Variants in E2F3 observed in about 807,000 individuals in gnomAD.
E2F3 encodes transcription factor E2F3.
Under a neutral mutation model 44.4 loss-of-function variants are expected in E2F3, and 11 were observed. That is an observed-to-expected ratio of 0.25 (90% CI 0.16 to 0.41). E2F3 has a LOEUF of 0.41. E2F3 is among the 10% of genes least tolerant of loss of function. The probability of loss-of-function intolerance (pLI) is 1.00; values close to 1 mark genes in which losing one functional copy is unlikely to be tolerated. For synonymous variants in E2F3, 249 were observed against 253.0 expected (o/e 0.98, Z 0.15); for missense variants, 487 against 583.6 (o/e 0.83, Z 1.70).
At chr6:20,461,046 A>T (rs1414848691) in intron 1 of E2F3, among the ~76,000 whole-genome samples, 4 of 150,548 alleles carry the variant, frequency 2.7e-5, no homozygotes, top group African/African-American at 4.9e-5. Flanking sequence ...TTTAAATATT[A>T]ACACTGCCAG....
Position 20,402,503 on chromosome 6 carries a change from G to T in E2F3, c.271G>T (p.Ala91Ser). 1 of 1,604,784 alleles carries T rather than the reference G, an allele frequency of 6.2e-7. No homozygotes were observed. The highest frequency in any genetic ancestry group is 8.5e-7 in the Non-Finnish European group (1 of 1,178,880). Reference sequence around the variant, plus strand: ...CCCCCTCCTCCCCAGTGCCCCCGGCGCGGAGCAGACCGCCGGCAGCCTCCT... The same window carrying T: ...CCCCCTCCTCCCCAGTGCCCCCGGCTCGGAGCAGACCGCCGGCAGCCTCCT... Reference protein sequence around the residue: ...AGPLLPSAPGAEQTAGSLLYT... With the variant: ...AGPLLPSAPGSEQTAGSLLYT... The change falls in exon 1 of 7, where the codon GCG becomes TCG. Residue 91 changes from alanine (A) to serine (S), a missense_variant. By Grantham distance (99) the Ala-to-Ser change is moderately conservative. Transcript: ENST00000346618. This position sits in a 1 kb window ranked among gnomAD's most constrained non-coding sequence, Gnocchi z 5.6.
intron 1 of E2F3, among the ~76,000 whole-genome samples, chr6:20,430,573 A>C (rs764109979): frequency 1.3e-5 from 2 of 152,228 alleles, no homozygotes; most frequent in Non-Finnish European, 2.9e-5. Context: ...TGACATTCAG[A>C]AGTACCATAT....
chr6:20,471,404 G>C (rs1421709761), intron 1 of E2F3, among the ~76,000 whole-genome samples: 1 of 152,106 alleles, frequency 6.6e-6, no homozygotes, highest in East Asian at 1.9e-4. Flanking sequence ...CCAACATGGT[G>C]AAACCTTGTG....
chr6:20,471,439 G>A (rs1368951704), intron 1 of E2F3, among the ~76,000 whole-genome samples: 7 of 152,050 alleles, frequency 4.6e-5, no homozygotes, highest in Non-Finnish European at 8.8e-5. Context: ...AAAATTAGCC[G>A]GGTGTGGTGG....
chr6:20,403,687 CCTCCCTCTCCTCTCCCCA>C, intron 1 of E2F3: 1 of 575,400 alleles, frequency 1.7e-6, no homozygotes, highest in Non-Finnish European at 2.9e-6. Context: ...GCACCGCCAC[CCTCCCTCTCCTCTCCCCA>C]CCCCCCCACC....
intron 1 of E2F3, among the ~76,000 whole-genome samples, chr6:20,434,204 T>C (rs1760499660): frequency 6.6e-6 from 1 of 152,168 alleles, no homozygotes; most frequent in Non-Finnish European, 1.5e-5. Flanking sequence ...TAAATTCACT[T>C]GTGGCAAGAA....
rs893156456 is a variant in E2F3, at chr6:20,402,257, C to T, written c.25C>T (p.Leu9=). 1.1e-5 allele frequency: 18 copies of T among 1,603,134 alleles called. No individual in the cohort carries two copies. Among genetic ancestry groups the T allele is most frequent in the Non-Finnish European group, 1.5e-5 (18 of 1,177,300 alleles). The change falls in exon 1 of 7, where the codon CTG becomes TTG. Residue 9 remains leucine, a synonymous_variant. Transcript: ENST00000346618. This position sits in a 1 kb window ranked among gnomAD's most constrained non-coding sequence, Gnocchi z 5.6. ...GATGAGAAAGGGAATCCAGCCCGCT[C>T]TGGAGCAGTACCTGGTGACCGCCGG... MRKGIQPA[L]EQYLVTAGGG...
intron 1 of E2F3, among the ~76,000 whole-genome samples, chr6:20,472,068 A>ACACACACACACACT (rs1320530650): frequency 9.5e-5 from 14 of 147,624 alleles, no homozygotes; most frequent in African/African-American, 3.0e-4. Flanking sequence ...ACACACACAC[A>ACACACACACACACT]CTCACATCTA....
At chr6:20,442,485 C>T (rs565687364) in intron 1 of E2F3, among the ~76,000 whole-genome samples, 88 of 152,280 alleles carry the variant, frequency 5.8e-4, no homozygotes, top group African/African-American at 1.8e-3. Flanking sequence ...CCACAACATG[C>T]GGTGTTTCGT....
rs1762539759 is a variant in E2F3, at chr6:20,491,015, C to G, written c.*585C>G. The G allele has an allele frequency of 8.7e-6, 2 of 228,880 alleles. No individual in the cohort carries two copies. The highest frequency in any genetic ancestry group is 1.2e-4 in the East Asian group (2 of 16,088). The allele number at this position is 228,880 out of a possible 1,614,324, so 14.2% of individuals were successfully genotyped here. A position where few individuals can be genotyped will look rare whatever the true frequency, so the allele number is the denominator to read the frequency against. On this transcript the variant is annotated 3_prime_UTR_variant, in exon 7 of 7. Transcript: ENST00000346618. ...AGTTTAAGCTATGAACTGTGTGTCC[C>G]AGTAGGAGGTCAAGAAAACCTCCAC...
rs1348663252 is a variant in E2F3 at position 20,402,772 on chromosome 6, T to C, written c.393+147T>C. ...GGGCTGCCCCTCCAACGAGGGTTCA[T>C]TGTTAGACCTGAGTGCTCTTCCCGG... is the stretch of plus-strand genomic sequence containing the variant. On this transcript the variant is annotated intron_variant, in intron 1 of 6. Coordinates refer to ENST00000346618, the MANE Select transcript of E2F3 (RefSeq NM_001949.5). The surrounding 1 kb of genome is among the most constrained non-coding windows in gnomAD (Gnocchi z 5.6). The C allele has an allele frequency of 1.0e-5, 13 of 1,238,964 alleles. No homozygotes were observed. The highest frequency in any genetic ancestry group is 1.1e-5 in the Non-Finnish European group (11 of 991,432). 76.7% of individuals were successfully genotyped at this position (1,238,964 alleles called of 1,614,324 possible).
At chr6:20,484,541 A>C (rs1762328622) in intron 4 of E2F3, among the ~76,000 whole-genome samples, 1 of 152,188 alleles carries the variant, frequency 6.6e-6, no homozygotes, top group Non-Finnish European at 1.5e-5. Flanking sequence ...CAGTGTTCTC[A>C]GTAAAAAATC....
At chr6:20,471,517 G>A (rs1197152752) in intron 1 of E2F3, among the ~76,000 whole-genome samples, 1 of 152,134 alleles carries the variant, frequency 6.6e-6, no homozygotes, top group Admixed American at 6.5e-5. Flanking sequence ...GGAGGCAGAG[G>A]TTGCAGTGAG....
chr6:20,429,916 G>C (rs1055207330), intron 1 of E2F3, among the ~76,000 whole-genome samples: 9 of 151,792 alleles, frequency 5.9e-5, no homozygotes, highest in African/African-American at 2.2e-4. Flanking sequence ...TAAATAAAAT[G>C]CCCTATTTTT....
intron 3 of E2F3, 142 bp from the exon 4 acceptor site, chr6:20,482,620 A>ATG (rs59712782): frequency 0.071 from 20,902 of 292,780 alleles, 1,551 homozygotes; most frequent in Middle Eastern, 0.1. Flanking sequence ...ATATATATAT[A>ATG]TGTGTAAATG....
rs760435662 is a variant in E2F3, at chr6:20,402,297, C to T, written c.65C>T (p.Ala22Val). The change falls in exon 1 of 7, where the codon GCG becomes GTG. Residue 22 changes from alanine to valine, a missense_variant. Physicochemically the swap from Ala to Val is moderately conservative, Grantham distance 64. Coordinates refer to ENST00000346618, the MANE Select transcript of E2F3 (RefSeq NM_001949.5). This position sits in a 1 kb window ranked among gnomAD's most constrained non-coding sequence, Gnocchi z 5.6. ...GTGACCGCCGGGGGTGGGGAGGGGG[C>T]GGCTGTCGTCGCCGCCGCCGCTGCA... ...YLVTAGGGEG[A>V]AVVAAAAAAS... The T allele has an allele frequency of 2.5e-6, 4 of 1,607,662 alleles. No individual in the cohort carries two copies. In the Admixed American group the frequency reaches 6.7e-5, roughly 27 times the overall value.
At chr6:20,476,986 C>T (rs1287146458) in intron 1 of E2F3, among the ~76,000 whole-genome samples, 1 of 152,066 alleles carries the variant, frequency 6.6e-6, no homozygotes, top group Non-Finnish European at 1.5e-5. Flanking sequence ...CAAGCCACAT[C>T]GTAAAATATA....
rs781561288 is a variant in E2F3, at chr6:20,473,427, G to A, written c.394-6419G>A. 7.2e-4 allele frequency among the ~76,000 whole-genome samples: 110 copies of A among 152,270 alleles called. 1 individual carries two copies. Among genetic ancestry groups the A allele is most frequent in the Non-Finnish European group, 5.4e-4 (37 of 68,026 alleles). On this transcript the variant is annotated intron_variant, in intron 1 of 6. Coordinates refer to ENST00000346618, the MANE Select transcript of E2F3 (RefSeq NM_001949.5). ...TAATAATAGCCACCTTATTAAGGGTGTTGTGAAAATAAGATAACAAAATTG... is the reference window on the plus strand; with the variant it reads ...TAATAATAGCCACCTTATTAAGGGTATTGTGAAAATAAGATAACAAAATTG...
chr6:20,407,470 T>C (rs532298833), intron 1 of E2F3, among the ~76,000 whole-genome samples: 1 of 152,380 alleles, frequency 6.6e-6, no homozygotes, highest in East Asian at 1.9e-4. Flanking sequence ...ATTAATGTTA[T>C]ACTGTGTAAA....
Sources: gnomAD v4.1 joint callset for allele counts (sites outside exome capture counted in the v4.1 genomes callset) on GRCh38, gnomAD v4.1.1 for gene constraint, Gnocchi (gnomAD v3.1) non-coding constraint, MANE v1.5 for transcripts, NCBI Gene and HGNC (gene_info 2026-07-23, HGNC 2026-07-21) for gene names.